Variants in CKAP5 observed in about 807,000 individuals in gnomAD.
The protein encoded by CKAP5 is cytoskeleton associated protein 5.
CKAP5 carries 27 observed loss-of-function variants against 232.8 expected under a neutral mutation model. The ratio of observed to expected loss-of-function variants is 0.12; its 90% confidence interval spans 0.09 to 0.16. The LOEUF is 0.16. CKAP5 is among the 10% of genes least tolerant of loss of function. The pLI is 1.00. For synonymous variants in CKAP5, 785 were observed against 841.1 expected (o/e 0.93, Z 1.16); for missense variants, 1,838 against 2,424.7 (o/e 0.76, Z 5.08).
intron 1 of CKAP5, among the ~76,000 whole-genome samples, chr11:46,831,859 T>TA (rs1235779591): frequency 5.9e-4 from 60 of 100,936 alleles, no homozygotes; most frequent in African/African-American, 2.4e-3. Context: ...AATAAACTTA[T>TA]CCTTTTTTTT....
chr11:46,749,327 C>T (rs561786132), intron 42 of CKAP5, among the ~76,000 whole-genome samples: 4 of 151,696 alleles, frequency 2.6e-5, no homozygotes, highest in East Asian at 4.0e-4. Context: ...TGGTGGCACC[C>T]GCCTGTGGTT....
At chr11:46,845,296 A>T (rs1940159616) in intron 1 of CKAP5, among the ~76,000 whole-genome samples, 4 of 152,212 alleles carry the variant, frequency 2.6e-5, no homozygotes, top group Admixed American at 2.6e-4. Flanking sequence ...TGGTCCCATG[A>T]GAATTAAATT....
intron 1 of CKAP5, among the ~76,000 whole-genome samples, chr11:46,842,696 G>A (rs1235226464): frequency 2.0e-5 from 3 of 152,138 alleles, no homozygotes; most frequent in South Asian, 2.1e-4. Context: ...GGCCGGGCGC[G>A]GTGGCTCACG....
Position 46,763,378 on chromosome 11 carries a change from T to C in CKAP5, c.3687+103A>G, listed in dbSNP as rs1024143346. On this transcript the variant is annotated intron_variant, in intron 29 of 43. Transcript: ENST00000529230. ...AAGACAGCTCTAAAAATAGAGAACA[T>C]AGTATATTCTACTTCCAAGTCATGC... is the stretch of plus-strand genomic sequence containing the variant. 5 of 1,083,216 alleles carry C rather than the reference T, an allele frequency of 4.6e-6. No individual in the cohort carries two copies. The South Asian group carries it at 4.8e-5, about 10-fold the overall frequency. 67.1% of individuals were successfully genotyped at this position (1,083,216 alleles called of 1,614,324 possible).
chr11:46,802,210 T>C (rs1405543726), intron 8 of CKAP5: 6 of 152,156 alleles, frequency 3.9e-5, no homozygotes, highest in East Asian at 3.9e-4. Context: ...CCTCTAGCAC[T>C]GCTTATATTA....
intron 18 of CKAP5, among the ~76,000 whole-genome samples, chr11:46,782,880 A>G (rs1480195846): frequency 6.6e-6 from 1 of 152,256 alleles, no homozygotes; most frequent in Non-Finnish European, 1.5e-5. Flanking sequence ...GTTTGGGAAC[A>G]GTGGGTTAAA....
intron 1 of CKAP5, among the ~76,000 whole-genome samples, chr11:46,837,391 G>C (rs1236179598): frequency 1.3e-5 from 2 of 152,086 alleles, no homozygotes; most frequent in Admixed American, 1.3e-4. Flanking sequence ...GACACAGATG[G>C]CTACATAGAG....
Position 46,744,175 on chromosome 11 carries a change from A to T in CKAP5, c.5947T>A (p.Ser1983Thr). 1 of 1,614,062 alleles carries T rather than the reference A, an allele frequency of 6.2e-7. No individual in the cohort carries two copies. The highest frequency in any genetic ancestry group is 8.5e-7 in the Non-Finnish European group (1 of 1,180,008). The change falls in exon 44 of 44, where the codon TCT becomes ACT. Residue 1983 changes from serine to threonine, a missense_variant. This residue lies in a region of CKAP5 where 62 missense variants were observed against 61.1 expected (regional missense o/e 1.01). Transcript: ENST00000529230. ...TGCTCCCGTGACTCCCGGAGCTGAG[A>T]GAGTTTGCTGTGGAGCATGTCTGTG... ...SSTDMLHSKL[S>T]QLRESREQHQ... is the part of the protein sequence containing the mutation.
At chr11:46,792,558 A>AAC (rs1938760937) in intron 13 of CKAP5, among the ~76,000 whole-genome samples, 1 of 151,878 alleles carries the variant, frequency 6.6e-6, no homozygotes, top group Admixed American at 6.6e-5. Context: ...GTCTCAAAAA[A>AAC]AAACAAAAAC....
intron 13 of CKAP5, among the ~76,000 whole-genome samples, chr11:46,793,325 G>T (rs1186402703): frequency 6.6e-6 from 1 of 152,236 alleles, no homozygotes; most frequent in African/African-American, 2.4e-5. Context: ...CATGCTGAGT[G>T]GTTCAAGATG....
In CKAP5 at chr11:46,770,083, G is replaced by C. The variant is rs768054637; in HGVS notation, c.3202C>G (p.Gln1068Glu). The C allele has an allele frequency of 1.2e-6, 2 of 1,614,018 alleles. No homozygotes were observed. The highest frequency in any genetic ancestry group is 1.7e-5 in the Admixed American group (1 of 60,018). Residue 1068 changes from glutamine (Q) to glutamate (E), a missense_variant, in exon 26 of 44, where the codon CAG becomes GAG. This residue lies in a region of CKAP5 where 767 missense variants were observed against 954.6 expected (regional missense o/e 0.80). Coordinates refer to ENST00000529230, the MANE Select transcript of CKAP5 (RefSeq NM_001008938.4). ...GCTTTCTCTAGCATGGCCAATACCT[G>C]ATCTTTAGAAGTTGGCTAGAGAGAC... ...TGKLKPTSKDQVLAMLEKAKV... is the reference protein window; with the variant it reads ...TGKLKPTSKDEVLAMLEKAKV...
chr11:46,778,150 T>C lies in CKAP5; in HGVS notation c.2737A>G (p.Asn913Asp), dbSNP rs1217310458. 1.2e-6 allele frequency: 2 copies of C among 1,613,508 alleles called. No individual in the cohort carries two copies. Among genetic ancestry groups the C allele is most frequent in the Non-Finnish European group, 1.7e-6 (2 of 1,179,760 alleles). ...TALKGRLNDS[N>D]KILVQQTLNI... is the part of the protein sequence containing the mutation. Reference sequence around the variant, plus strand: ...TATGCTCTACATACCAAGATTTTATTTGAATCATTGAGTCGACCCTTCAAG... The same window carrying C: ...TATGCTCTACATACCAAGATTTTATCTGAATCATTGAGTCGACCCTTCAAG... Residue 913 changes from asparagine to aspartate, a missense_variant, in exon 22 of 44, where the codon AAT becomes GAT. Physicochemically the swap from Asn to Asp is conservative, Grantham distance 23. Coordinates refer to ENST00000529230, the MANE Select transcript of CKAP5 (RefSeq NM_001008938.4).
At chr11:46,814,864 T>C (rs1763191232) in intron 4 of CKAP5, among the ~76,000 whole-genome samples, 1 of 152,192 alleles carries the variant, frequency 6.6e-6, no homozygotes, top group African/African-American at 2.4e-5. Context: ...GGCACCTAAA[T>C]AAAGGTTAGC....
chr11:46,841,007 G>A (rs1197705973), intron 1 of CKAP5, among the ~76,000 whole-genome samples: 1 of 152,172 alleles, frequency 6.6e-6, no homozygotes. Flanking sequence ...GGTGGCTCAT[G>A]CCTGTAATCC....
intron 7 of CKAP5, among the ~76,000 whole-genome samples, chr11:46,808,782 C>T (rs1239461264): frequency 6.6e-6 from 1 of 152,118 alleles, no homozygotes; most frequent in African/African-American, 2.4e-5. Context: ...CTCACAGCAG[C>T]ACAATTACAG....
rs763862293 is a variant in CKAP5 at position 46,759,396 on chromosome 11, G to A, written c.4441C>T (p.Arg1481Cys). The change falls in exon 34 of 44, where the codon CGC becomes TGC. Residue 1481 changes from arginine to cysteine, a missense_variant. Physicochemically the swap from Arg to Cys is radical, Grantham distance 180. Transcript: ENST00000529230. ...TCTAGATCCAGCTGGAATTCTCGGC[G>A]GACCATCTGGGCTGCCTCAGGATGC... Reference protein sequence around the residue: ...SGHPEAAQMVRREFQLDLDEI... With the variant: ...SGHPEAAQMVCREFQLDLDEI... The A allele has an allele frequency of 8.1e-6, 13 of 1,613,878 alleles. No homozygotes were observed. The highest frequency in any genetic ancestry group is 4.4e-5 in the South Asian group (4 of 91,068).
At chr11:46,798,904 A>G (rs1938961526) in intron 9 of CKAP5, among the ~76,000 whole-genome samples, 1 of 152,258 alleles carries the variant, frequency 6.6e-6, no homozygotes, top group African/African-American at 2.4e-5. Context: ...AAACCAATAA[A>G]GCAAACATTT....
Position 46,762,686 on chromosome 11 carries a change from C to T in CKAP5, c.3968G>A (p.Ser1323Asn), listed in dbSNP as rs1343688691. The change falls in exon 31 of 44, where the codon AGC becomes AAC. Residue 1323 changes from serine (S) to asparagine (N), a missense_variant. By Grantham distance (46) the Ser-to-Asn change is conservative (BLOSUM62 1). Around this residue, in one of 6 missense-constraint regions of CKAP5, gnomAD observed 579 missense variants for 843.2 expected, o/e 0.69. Transcript: ENST00000529230. ...TTCCATGATAAAGGGAAACATCTTGCTAGCTGGGTAGACAAGGCACATCCG... is the reference window on the plus strand; with the variant it reads ...TTCCATGATAAAGGGAAACATCTTGTTAGCTGGGTAGACAAGGCACATCCG... ...LNRMCLVYPA[S>N]KMFPFIMEGT... The T allele has an allele frequency of 6.2e-7, 1 of 1,614,090 alleles. No individual in the cohort carries two copies. The highest frequency in any genetic ancestry group is 8.5e-7 in the Non-Finnish European group (1 of 1,179,946).
Position 46,762,032 on chromosome 11 carries a change from G to A in CKAP5, c.4189C>T (p.His1397Tyr). 1 of 1,613,904 alleles carries A rather than the reference G, an allele frequency of 6.2e-7. No individual in the cohort carries two copies. Among genetic ancestry groups the A allele is most frequent in the Non-Finnish European group, 8.5e-7 (1 of 1,179,834 alleles). ...LNTIVTVYNV[H>Y]GDQVFKLIGN... ...ATCAGTTTGAACACCTGATCCCCAT[G>A]TACATTGTACACCGTTACAATGGTG... The change falls in exon 32 of 44, where the codon CAT becomes TAT. Residue 1397 changes from histidine (H) to tyrosine (Y), a missense_variant. This residue lies in a region of CKAP5 where 579 missense variants were observed against 843.2 expected (regional missense o/e 0.69). Coordinates refer to ENST00000529230, the MANE Select transcript of CKAP5 (RefSeq NM_001008938.4).
Sources: gnomAD v4.1 joint callset for allele counts (sites outside exome capture counted in the v4.1 genomes callset) on GRCh38, gnomAD v4.1.1 for gene constraint, gnomAD v4.1.1 regional missense constraint, MANE v1.5 for transcripts, NCBI Gene and HGNC (gene_info 2026-07-23, HGNC 2026-07-21) for gene names.